The following GPR180 variants were observed in gnomAD, a reference collection of about 807,000 sequenced individuals.
GPR180 encodes G protein-coupled receptor 180.
A neutral mutation model predicts 52.6 loss-of-function variants in GPR180; 53 were observed. The ratio of observed to expected loss-of-function variants is 1.01; its 90% CI spans 0.81 to 1.27. The LOEUF (loss-of-function observed/expected upper bound fraction) is 1.27, where lower values mean the gene tolerates loss of function less well. Among genes scored for constraint, GPR180 ranks in the 50% most tolerant of loss-of-function variants. The pLI is 0.00. For missense variants in GPR180, 533 were observed against 527.0 expected, an observed-to-expected ratio of 1.01 and a Z score of -0.11; for synonymous variants, 200 against 193.1, an observed-to-expected ratio of 1.04 and a Z score of -0.30.
At chr13:94,605,586 G>C (rs1889618735) in intron 2 of GPR180, 37 bp downstream of exon 2, 1 of 1,560,152 alleles carries the variant, frequency 6.4e-7, no homozygotes, top group Non-Finnish European at 8.8e-7. Context: ...ATTAGATATA[G>C]TTTTTTTCCT....
At chr13:94,616,319 T>C (rs1889777071) in intron 3 of GPR180, among the ~76,000 whole-genome samples, 1 of 152,238 alleles carries the variant, frequency 6.6e-6, no homozygotes, top group Non-Finnish European at 1.5e-5. Flanking sequence ...GAATTTCTGA[T>C]TGATTTAGAC....
chr13:94,619,423 T>TC, intron 4 of GPR180, 45 bp from the exon 5 acceptor site: 4 of 1,603,188 alleles, frequency 2.5e-6, no homozygotes, highest in Admixed American at 1.7e-5. Context: ...TATAAACAAT[T>TC]TTTTTCACAT....
chr13:94,616,354 G>A (rs185196773), intron 3 of GPR180, among the ~76,000 whole-genome samples: 3 of 152,198 alleles, frequency 2.0e-5, no homozygotes, highest in Non-Finnish European at 2.9e-5. Flanking sequence ...CTTGAGACAC[G>A]TGAGTGTGGG....
intron 1 of GPR180, among the ~76,000 whole-genome samples, chr13:94,603,172 G>A (rs767186964): frequency 1.1e-4 from 17 of 151,884 alleles, no homozygotes; most frequent in Non-Finnish European, 1.9e-4. Flanking sequence ...TATATTTTGG[G>A]TGAATGAAGA....
chr13:94,625,203 GTATT>G (rs1431451817), intron 7 of GPR180, among the ~76,000 whole-genome samples: 1 of 152,194 alleles, frequency 6.6e-6, no homozygotes, highest in African/African-American at 2.4e-5. Context: ...ACATCTAAAA[GTATT>G]TAAGGAGTAG....
In GPR180 at chr13:94,621,144, TAGTC is replaced by T; in HGVS notation, c.806_809del (p.Val269GlufsTer2). 2 of 1,612,758 alleles carry T rather than the reference TAGTC, an allele frequency of 1.2e-6. No homozygotes were observed. Among genetic ancestry groups the T allele is most frequent in the Non-Finnish European group, 1.7e-6 (2 of 1,179,696 alleles). On this transcript the variant is annotated frameshift_variant, in exon 6 of 9. Coordinates refer to ENST00000376958, the MANE Select transcript of GPR180 (RefSeq NM_180989.6). LOFTEE classifies it high-confidence loss of function. ...TTGAGTCTATGCATGGGTTGGACAATAGTCAGAATGAAGAAGTCTCAAAGCAGAC... is the reference window on the plus strand; with the variant it reads ...TTGAGTCTATGCATGGGTTGGACAATAGAATGAAGAAGTCTCAAAGCAGAC...
rs558977012 is a variant in GPR180, at chr13:94,602,846, T to C, written c.145+774T>C. 2.0e-5 allele frequency among the ~76,000 whole-genome samples: 3 copies of C among 152,336 alleles called. No individual in the cohort carries two copies. The East Asian group carries it at 5.8e-4, about 29-fold the overall frequency. Reference sequence around the variant, plus strand: ...TGCACTCTCACAATTTAAGTGTTTTTCTTGGTACTCTTAATTTGACTAGTG... The same window carrying C: ...TGCACTCTCACAATTTAAGTGTTTTCCTTGGTACTCTTAATTTGACTAGTG... On this transcript the variant is annotated intron_variant, in intron 1 of 8. Coordinates refer to ENST00000376958, the MANE Select transcript of GPR180 (RefSeq NM_180989.6).
chr13:94,622,590 G>C (rs1336768775), intron 6 of GPR180, among the ~76,000 whole-genome samples: 1 of 152,186 alleles, frequency 6.6e-6, no homozygotes, highest in African/African-American at 2.4e-5. Flanking sequence ...GGCTGTGGTA[G>C]CTCTGTGGTA....
intron 2 of GPR180, among the ~76,000 whole-genome samples, chr13:94,607,224 C>G (rs1208984142): frequency 6.6e-6 from 1 of 150,752 alleles, no homozygotes; most frequent in Non-Finnish European, 1.5e-5. Flanking sequence ...CTTGCCTTTG[C>G]TATTTCGACA....
chr13:94,612,752 G>A (rs944953808), intron 3 of GPR180, among the ~76,000 whole-genome samples: 2 of 152,114 alleles, frequency 1.3e-5, no homozygotes, highest in Non-Finnish European at 2.9e-5. Flanking sequence ...AAACATTTTT[G>A]TTTTTATGAT....
intron 3 of GPR180, among the ~76,000 whole-genome samples, chr13:94,618,510 T>C (rs1205396146): frequency 6.7e-6 from 1 of 148,702 alleles, no homozygotes; most frequent in Non-Finnish European, 1.5e-5. Flanking sequence ...TGAAGGTTTG[T>C]CCAAATGGAA....
Position 94,602,141 on chromosome 13 carries a change from C to T in GPR180, c.145+69C>T, listed in dbSNP as rs1021409910. On this transcript the variant is annotated intron_variant, in intron 1 of 8. Transcript: ENST00000376958. ...TCCCGCCGGCTGAGTCCGCCGGCCG[C>T]TCCTCCCGGCCCCTCCCTGCCACGT... is the stretch of plus-strand genomic sequence containing the variant. 1.1e-5 allele frequency: 13 copies of T among 1,236,340 alleles called. No homozygotes were observed. The African/African-American group carries it at 1.2e-4, about 12-fold the overall frequency. 76.6% of individuals were successfully genotyped at this position (1,236,340 alleles called of 1,614,324 possible).
intron 3 of GPR180, among the ~76,000 whole-genome samples, chr13:94,613,858 C>T (rs1167233998): frequency 6.7e-6 from 1 of 150,122 alleles, no homozygotes; most frequent in Non-Finnish European, 1.5e-5. Flanking sequence ...CTAAATTGCT[C>T]CTCAGGTCCT....
rs762302917 is a variant in GPR180 at position 94,623,220 on chromosome 13, T to G, written c.1006T>G (p.Ser336Ala). 6.2e-7 allele frequency: 1 copy of G among 1,613,850 alleles called. No homozygotes were observed. The highest frequency in any genetic ancestry group is 8.5e-7 in the Non-Finnish European group (1 of 1,179,758). ...TGTTCTAAGAATTTGCCTAGCATTG[T>G]CATTAGGCTGTGGACTCTATCAGAT... Reference protein sequence around the residue: ...LIVLRICLALSLGCGLYQIIT... With the variant: ...LIVLRICLALALGCGLYQIIT... Residue 336 changes from serine (S) to alanine (A), a missense_variant, in exon 7 of 9, where the codon TCA (serine) becomes GCA (alanine). Physicochemically the swap from Ser to Ala is moderately conservative, Grantham distance 99. Coordinates refer to ENST00000376958, the MANE Select transcript of GPR180 (RefSeq NM_180989.6).
Position 94,603,963 on chromosome 13 carries a change from C to T in GPR180, c.146-1428C>T, listed in dbSNP as rs549366619. On this transcript the variant is annotated intron_variant, in intron 1 of 8. Transcript: ENST00000376958. ...TTTTTTTTAAAAAGGAAGCCAGACT[C>T]GTTGGGTGGCTCCTGCCTGTAATCC... 3.3e-5 allele frequency among the ~76,000 whole-genome samples: 5 copies of T among 152,208 alleles called. No individual in the cohort carries two copies. The East Asian group carries it at 9.7e-4, about 29-fold the overall frequency.
chr13:94,618,977 A>G (rs949005509), intron 3 of GPR180, among the ~76,000 whole-genome samples, 173 bp from the exon 4 acceptor site: 3 of 152,158 alleles, frequency 2.0e-5, no homozygotes, highest in African/African-American at 7.2e-5. Context: ...ATTTTGCCCC[A>G]AGGTACAAAA....
intron 2 of GPR180, among the ~76,000 whole-genome samples, chr13:94,608,167 T>C (rs9524556): frequency 0.32 from 48,930 of 152,046 alleles, 8,237 homozygotes; most frequent in Non-Finnish European, 0.38. Flanking sequence ...GGGAAGACCA[T>C]AAAACTGAGT....
chr13:94,622,601 G>A (rs1016878866), intron 6 of GPR180, among the ~76,000 whole-genome samples: 1 of 152,194 alleles, frequency 6.6e-6, no homozygotes, highest in Non-Finnish European at 1.5e-5. Flanking sequence ...CTCTGTGGTA[G>A]CACTTCTGTA....
chr13:94,618,065 G>A (rs1195532516), intron 3 of GPR180, among the ~76,000 whole-genome samples: 2 of 152,172 alleles, frequency 1.3e-5, no homozygotes, highest in Non-Finnish European at 2.9e-5. Context: ...CTGCTAGTAG[G>A]CACTAGAGGC....
Sources: allele counts gnomAD v4.1 joint callset (sites outside exome capture counted in the v4.1 genomes callset), GRCh38; gene constraint gnomAD v4.1.1; transcripts MANE v1.5; gene names NCBI Gene and HGNC (gene_info 2026-07-23, HGNC 2026-07-21).